Variants in SMAD3 observed in about 807,000 individuals in gnomAD.
SMAD3 encodes SMAD family member 3.
In SMAD3, 12 loss-of-function variants were observed where a neutral mutation model predicts 51.8. The ratio of observed to expected loss-of-function variants is 0.23; its 90% CI spans 0.15 to 0.38. The LOEUF (loss-of-function observed/expected upper bound fraction) is 0.38. Among genes scored for constraint, SMAD3 ranks in the 10% least tolerant of loss-of-function variants. The probability of loss-of-function intolerance (pLI) is 1.00; values close to 1 mark genes in which losing one functional copy is unlikely to be tolerated. For synonymous variants in SMAD3, 238 were observed against 227.7 expected (o/e 1.05, Z -0.41); for missense variants, 294 against 565.6 (o/e 0.52, Z 4.87).
chr15:67,091,174 G>C (rs1158343592), intron 1 of SMAD3, among the ~76,000 whole-genome samples: 1 of 152,228 alleles, frequency 6.6e-6, no homozygotes, highest in Non-Finnish European at 1.5e-5. Context: ...TATGGTGCAT[G>C]GTGGGCATGG....
At chr15:67,166,694 G>A in intron 3 of SMAD3, 85 bp from the exon 4 acceptor site, 1 of 841,122 alleles carries the variant, frequency 1.2e-6, no homozygotes, top group Non-Finnish European at 2.0e-6. Flanking sequence ...GCATCATGGT[G>A]TGCATGTGTG....
intron 5 of SMAD3, among the ~76,000 whole-genome samples, chr15:67,172,486 C>T (rs773536609): frequency 2.0e-5 from 3 of 152,218 alleles, no homozygotes. Context: ...GACTTCATCC[C>T]TACCCAGAAG....
chr15:67,067,074 A>G (rs1273492991), intron 1 of SMAD3, among the ~76,000 whole-genome samples: 1 of 70,840 alleles, frequency 1.4e-5, no homozygotes, highest in Admixed American at 1.6e-4. Flanking sequence ...CCACCCCCCC[A>G]TCCCGACTCT....
chr15:67,083,462 TC>T (rs1182016255), intron 1 of SMAD3, among the ~76,000 whole-genome samples: 9 of 152,260 alleles, frequency 5.9e-5, no homozygotes, highest in Non-Finnish European at 4.4e-5. Flanking sequence ...AAGGCTTTGA[TC>T]CAGGGATCTT....
chr15:67,176,030 T>C (rs1250611740), intron 5 of SMAD3, among the ~76,000 whole-genome samples: 1 of 152,216 alleles, frequency 6.6e-6, no homozygotes, highest in Admixed American at 6.5e-5. Context: ...CCACTGTTCC[T>C]GGTTGCAGTA....
chr15:67,189,142 C>CT (rs1193009603), intron 8 of SMAD3, among the ~76,000 whole-genome samples: 1 of 152,150 alleles, frequency 6.6e-6, no homozygotes, highest in African/African-American at 2.4e-5. Context: ...GAAAATTAAT[C>CT]TTTTTTTAGT....
chr15:67,181,653 G>T (rs1000752305), intron 6 of SMAD3, among the ~76,000 whole-genome samples, 200 bp downstream of exon 6: 1 of 152,096 alleles, frequency 6.6e-6, no homozygotes, highest in Non-Finnish European at 1.5e-5. Context: ...TTAGGGGCCA[G>T]ACAGGTAGTG....
At chr15:67,067,150 G>A (rs1319153811) in intron 1 of SMAD3, among the ~76,000 whole-genome samples, 1 of 150,880 alleles carries the variant, frequency 6.6e-6, no homozygotes, top group Non-Finnish European at 1.5e-5. Context: ...GCAGGCTGCA[G>A]CCGGGCAGAT....
At chr15:67,068,137 G>A (rs1959970449) in intron 1 of SMAD3, among the ~76,000 whole-genome samples, 2 of 152,210 alleles carry the variant, frequency 1.3e-5, no homozygotes, top group South Asian at 4.1e-4. Context: ...CAAGCAACCA[G>A]CCATGGAAAG....
At chr15:67,111,464 C>CT (rs1260576887) in intron 1 of SMAD3, among the ~76,000 whole-genome samples, 3 of 152,100 alleles carry the variant, frequency 2.0e-5, no homozygotes, top group Non-Finnish European at 4.4e-5. Flanking sequence ...TGTGTACAAG[C>CT]TTTTTTTGTG....
chr15:67,102,190 T>C (rs1960773237), intron 1 of SMAD3, among the ~76,000 whole-genome samples: 1 of 151,950 alleles, frequency 6.6e-6, no homozygotes, highest in African/African-American at 2.4e-5. Context: ...CAGTGAATCC[T>C]TCCTGCCTCG....
chr15:67,190,454 A>T lies in SMAD3; in HGVS notation c.1196A>T (p.His399Leu). 6.2e-7 allele frequency: 1 copy of T among 1,613,832 alleles called. No homozygotes were observed. The change falls in exon 9 of 9, where the codon CAC becomes CTC. Residue 399 changes from histidine to leucine, a missense_variant. His to Leu is a moderately conservative substitution (Grantham distance 99). Around this residue, in one of 3 missense-constraint regions of SMAD3, gnomAD observed 118 missense variants for 278.0 expected, o/e 0.42. Transcript: ENST00000327367. ...VTSTPCWIEL[H>L]LNGPLQWLDK... ...AGTACCCCCTGCTGGATTGAGCTGC[A>T]CCTGAATGGGCCTTTGCAGTGGCTT...
intron 6 of SMAD3, among the ~76,000 whole-genome samples, chr15:67,184,084 G>A (rs1450339204): frequency 1.3e-5 from 2 of 151,466 alleles, no homozygotes; most frequent in African/African-American, 4.9e-5. Context: ...TGCAAGGGTA[G>A]AGGTTATCAT....
intron 1 of SMAD3, among the ~76,000 whole-genome samples, chr15:67,142,263 TC>T (rs921320090): frequency 5.3e-5 from 8 of 151,780 alleles, no homozygotes; most frequent in African/African-American, 1.9e-4. Context: ...GTTTTTTTTT[TC>T]CCCCGTACAC....
intron 1 of SMAD3, among the ~76,000 whole-genome samples, chr15:67,087,340 G>A (rs572220947): frequency 1.2e-4 from 19 of 152,110 alleles, no homozygotes; most frequent in African/African-American, 4.3e-4. Context: ...GTCTGCAAGT[G>A]GGGGGGTGTT....
intron 1 of SMAD3, among the ~76,000 whole-genome samples, chr15:67,108,120 G>A (rs1456100847): frequency 6.6e-6 from 1 of 152,180 alleles, no homozygotes; most frequent in Non-Finnish European, 1.5e-5. Flanking sequence ...TCTGCACAGC[G>A]TCCTCCATCT....
At chr15:67,150,840 TCTCAGTC>T (rs1207605597) in intron 1 of SMAD3, among the ~76,000 whole-genome samples, 12 of 115,590 alleles carry the variant, frequency 1.0e-4, no homozygotes, top group Non-Finnish European at 1.6e-4. Context: ...CAAAGCTATT[TCTCAGTC>T]TTTTTTTTTT....
At chr15:67,181,787 C>T (rs1487012513) in intron 6 of SMAD3, among the ~76,000 whole-genome samples, 1 of 104,404 alleles carries the variant, frequency 9.6e-6, no homozygotes, top group African/African-American at 3.4e-5. Context: ...CATATGAAAT[C>T]TATTTTTTTT....
At chr15:67,074,849 C>T (rs968425907) in intron 1 of SMAD3, among the ~76,000 whole-genome samples, 5 of 152,158 alleles carry the variant, frequency 3.3e-5, no homozygotes, top group African/African-American at 7.2e-5. Context: ...GCCACCATGC[C>T]CAGCTAATTT....
Sources: gnomAD v4.1 joint callset for allele counts (sites outside exome capture counted in the v4.1 genomes callset) on GRCh38, gnomAD v4.1.1 for gene constraint, gnomAD v4.1.1 regional missense constraint, MANE v1.5 for transcripts, NCBI Gene and HGNC (gene_info 2026-07-23, HGNC 2026-07-21) for gene names.